Variants in TTLL3 observed in about 807,000 individuals in gnomAD.
TTLL3 encodes tubulin tyrosine ligase like 3, also known as tubulin monoglycylase TTLL3.
Under a neutral mutation model 75.2 loss-of-function variants are expected in TTLL3, and 63 were observed. The ratio of observed to expected loss-of-function variants is 0.84; its 90% CI spans 0.68 to 1.03. The LOEUF is 1.03. Among genes scored for constraint, TTLL3 ranks in the 50% least tolerant of loss-of-function variants. The pLI is 0.00. For synonymous variants in TTLL3, 393 were observed against 418.5 expected (o/e 0.94, Z 0.74); for missense variants, 997 against 1,069.9 (o/e 0.93, Z 0.95).
At chr3:9,824,217 T>G (rs1435527908) in intron 8 of TTLL3, among the ~76,000 whole-genome samples, 1 of 152,020 alleles carries the variant, frequency 6.6e-6, no homozygotes, top group East Asian at 1.9e-4. Flanking sequence ...AGAAGAGGTG[T>G]GATATAGAAG....
intron 7 of TTLL3, chr3:9,819,186 TG>T: frequency 1.9e-6 from 1 of 516,518 alleles, no homozygotes; most frequent in Non-Finnish European, 3.5e-6. Flanking sequence ...TGTCACCCAT[TG>T]TTAATCTCGT....
At chr3:9,811,930 C>A (rs543685180) in intron 2 of TTLL3, among the ~76,000 whole-genome samples, 13 of 152,332 alleles carry the variant, frequency 8.5e-5, no homozygotes, top group Non-Finnish European at 1.6e-4. Flanking sequence ...CTCTGGATCC[C>A]ATTAAGTATG....
intron 12 of TTLL3, chr3:9,834,327 T>A (rs2081884109): frequency 2.0e-6 from 1 of 500,182 alleles, no homozygotes; most frequent in African/African-American, 1.9e-5. Flanking sequence ...AACTAACACA[T>A]GTCCAGCACT....
chr3:9,832,484 C>T (rs1325562470), intron 11 of TTLL3, among the ~76,000 whole-genome samples: 3 of 152,176 alleles, frequency 2.0e-5, no homozygotes, highest in East Asian at 3.8e-4. Flanking sequence ...CAACTGGCTC[C>T]AGGTTGCTAG....
chr3:9,816,523 CT>C (rs71052206), intron 5 of TTLL3, among the ~76,000 whole-genome samples: 24 of 104,002 alleles, frequency 2.3e-4, no homozygotes, highest in African/African-American at 5.1e-4. Context: ...ACCTGGGTTT[CT>C]TTTTTTTTTT....
Position 9,817,777 on chromosome 3 carries a change from C to G in TTLL3, c.559+18C>G. On this transcript the variant is annotated intron_variant, in intron 6 of 13. Transcript: ENST00000685419. Reference sequence around the variant, plus strand: ...CTTCATAGGTAAGGAGACCCCCAGCCCTATGCCTGAACCTCAGGCTGACAG... The same window carrying G: ...CTTCATAGGTAAGGAGACCCCCAGCGCTATGCCTGAACCTCAGGCTGACAG... The G allele has an allele frequency of 6.2e-7, 1 of 1,614,004 alleles. No individual in the cohort carries two copies. The highest frequency in any genetic ancestry group is 8.5e-7 in the Non-Finnish European group (1 of 1,179,942).
chr3:9,827,171 C>G lies in TTLL3; in HGVS notation c.1178C>G (p.Thr393Ser). 6.2e-7 allele frequency: 1 copy of G among 1,614,254 alleles called. No homozygotes were observed. Among genetic ancestry groups the G allele is most frequent in the Non-Finnish European group, 8.5e-7 (1 of 1,180,046 alleles). The stretch of plus-strand genomic sequence containing the variant: ...CTGGTAACTGACTGGAACCCACTTA[C>G]CGTGTGGTTCTACCGCGACAGCTAT... Reference protein sequence around the residue: ...WFLVTDWNPLTVWFYRDSYIR... With the variant: ...WFLVTDWNPLSVWFYRDSYIR... Residue 393 changes from threonine to serine, a missense_variant, in exon 10 of 14, where the codon ACC (threonine) becomes AGC (serine). By Grantham distance (58) the Thr-to-Ser change is moderately conservative. Transcript: ENST00000685419.
rs1237879832 is a variant in TTLL3, at chr3:9,820,684, T to C, written c.797T>C (p.Leu266Pro). Residue 266 changes from leucine to proline, a missense_variant, in exon 8 of 14, where the codon CTG becomes CCG. Physicochemically the swap from Leu to Pro is moderately conservative, Grantham distance 98 (BLOSUM62 -3). Coordinates refer to ENST00000685419, the MANE Select transcript of TTLL3 (RefSeq NM_001387446.1). ...ATCGACAAGGACCTGGAGGCCCCGC[T>C]GTACCTCACCCCCGAGGGCTGGTCC... is the stretch of plus-strand genomic sequence containing the variant. ...MDIDKDLEAP[L>P]YLTPEGWSLF... 6.2e-7 allele frequency: 1 copy of C among 1,614,166 alleles called. No individual in the cohort carries two copies. Among genetic ancestry groups the C allele is most frequent in the South Asian group, 1.1e-5 (1 of 91,090 alleles).
chr3:9,817,572 T>G (rs974631821), intron 5 of TTLL3, 73 bp from the exon 6 acceptor site: 1 of 1,607,782 alleles, frequency 6.2e-7, no homozygotes, highest in African/African-American at 1.3e-5. Context: ...CCAGTCAGAG[T>G]CTTTCTGAAC....
At position 9,810,472 on chromosome 3, in the gene TTLL3, G is replaced by C; in HGVS notation, c.-42+78G>C. 2.1e-6 allele frequency: 3 copies of C among 1,443,268 alleles called. No homozygotes were observed. 89.4% of individuals were successfully genotyped at this position (1,443,268 alleles called of 1,614,324 possible). On this transcript the variant is annotated intron_variant, in intron 1 of 13. Transcript: ENST00000685419. This position sits in a 1 kb window ranked among gnomAD's most constrained non-coding sequence, Gnocchi z 4.4. ...AAGACGCTGGGGTGGAGGGACTGGG[G>C]GTCGGGAGAAGAGCGGCTGAGGGTG...
At position 9,835,135 on chromosome 3, in the gene TTLL3, G is replaced by A. The variant is rs979650507; in HGVS notation, c.2094G>A (p.Val698=). The change falls in exon 14 of 14, where the codon GTG becomes GTA. Residue 698 remains valine, a synonymous_variant. Transcript: ENST00000685419. ...LLCLRGPQLE[V]PCCLCPLKSE... is the part of the protein sequence containing the mutation. ...GCCTCCGAGGCCCCCAGCTGGAAGT[G>A]CCTTGTTGCCTCTGCCCTTTGAAGT... is the stretch of plus-strand genomic sequence containing the variant. 1.9e-6 allele frequency: 3 copies of A among 1,613,580 alleles called. No homozygotes were observed. Among genetic ancestry groups the A allele is most frequent in the African/African-American group, 2.7e-5 (2 of 74,918 alleles).
upstream of TTLL3, chr3:9,810,087 C>A (rs1427929372): frequency 7.1e-7 from 1 of 1,403,814 alleles, no homozygotes; most frequent in Non-Finnish European, 9.2e-7. The surrounding 1 kb of genome is among the most constrained non-coding windows in gnomAD (Gnocchi z 4.4). Context: ...CCTGGTACCG[C>A]CAGGAGGGCG....
At chr3:9,809,909 A>C, upstream of TTLL3, 1 of 602,112 alleles carries the variant, frequency 1.7e-6, no homozygotes, top group Non-Finnish European at 2.0e-6. Context: ...ACGGAGGACA[A>C]GGCTCGAGCC....
Position 9,810,563 on chromosome 3 carries a change from G to C in TTLL3, c.-41-58G>C. The stretch of plus-strand genomic sequence containing the variant: ...TATGGGCGGCCAGAAAAGATCCTAG[G>C]CCGAGACCCTAGGCCCAGCCTCAGT... On this transcript the variant is annotated intron_variant, in intron 1 of 13. Coordinates refer to ENST00000685419, the MANE Select transcript of TTLL3 (RefSeq NM_001387446.1). The surrounding 1 kb of genome is among the most constrained non-coding windows in gnomAD (Gnocchi z 4.4). The C allele has an allele frequency of 6.6e-7, 1 of 1,523,762 alleles. No homozygotes were observed. The highest frequency in any genetic ancestry group is 8.8e-7 in the Non-Finnish European group (1 of 1,133,196). 94.4% of individuals were successfully genotyped at this position (1,523,762 alleles called of 1,614,324 possible).
chr3:9,829,167 C>T lies in TTLL3; in HGVS notation c.1455C>T (p.Thr485=), dbSNP rs763971908. ...VIHALQTSQD[T]VQCRKASFEL... is the part of the protein sequence containing the mutation. ...ACGCACTTCAGACCTCCCAGGACACCGTGCAGTGTCGGAAGGCCAGCTTTG... is the reference window on the plus strand; with the variant it reads ...ACGCACTTCAGACCTCCCAGGACACTGTGCAGTGTCGGAAGGCCAGCTTTG... The change falls in exon 11 of 14, where the codon ACC becomes ACT. Residue 485 remains threonine (T), a synonymous_variant. Transcript: ENST00000685419. 7.4e-6 allele frequency: 12 copies of T among 1,614,088 alleles called. No individual in the cohort carries two copies. The highest frequency in any genetic ancestry group is 1.7e-5 in the Admixed American group (1 of 59,992).
chr3:9,828,096 C>T (rs567630426), intron 10 of TTLL3: 9 of 141,468 alleles, frequency 6.4e-5, no homozygotes, highest in Non-Finnish European at 1.2e-4. Context: ...GAACTGAGAT[C>T]GTGCCATTGC....
intron 11 of TTLL3, 108 bp from the exon 12 acceptor site, chr3:9,832,996 C>T (rs2081709615): frequency 7.3e-7 from 1 of 1,375,656 alleles, no homozygotes; most frequent in Non-Finnish European, 1.0e-6. Flanking sequence ...GCCTCTTTGA[C>T]CAGGTGCCTC....
At chr3:9,814,604 C>T (rs1045163739) in intron 4 of TTLL3, among the ~76,000 whole-genome samples, 17 of 151,854 alleles carry the variant, frequency 1.1e-4, no homozygotes, top group African/African-American at 2.2e-4. Context: ...GCTGAGATCG[C>T]GCCACTGCAC....
At chr3:9,819,907 A>G in intron 7 of TTLL3, 1 of 985,764 alleles carries the variant, frequency 1.0e-6, no homozygotes, top group African/African-American at 1.7e-5. Flanking sequence ...GGTATAGGTC[A>G]GGCTGCAGGG....
Sources: gnomAD v4.1 joint callset for allele counts (sites outside exome capture counted in the v4.1 genomes callset) on GRCh38, gnomAD v4.1.1 for gene constraint, Gnocchi (gnomAD v3.1) non-coding constraint, MANE v1.5 for transcripts, NCBI Gene and HGNC (gene_info 2026-07-23, HGNC 2026-07-21) for gene names.